Variants in TENM3 observed in about 807,000 individuals in gnomAD.
TENM3 encodes the protein teneurin-3.
TENM3 carries 63 observed loss-of-function variants against 255.1 expected under a neutral mutation model. The observed-to-expected ratio is 0.25, with a 90% CI of 0.20 to 0.30. The LOEUF (loss-of-function observed/expected upper bound fraction) is 0.30, where lower values mean the gene tolerates loss of function less well. TENM3 is among the 10% of genes least tolerant of loss of function. TENM3 has a pLI of 1.00. For synonymous variants in TENM3, 1,306 were observed against 1,322.3 expected, an observed-to-expected ratio of 0.99 and a Z score of 0.27; for missense variants, 2,929 against 3,461.1, an observed-to-expected ratio of 0.85 and a Z score of 3.86.
intron 4 of TENM3, among the ~76,000 whole-genome samples, chr4:182,623,162 C>G (rs1581134929): frequency 6.6e-6 from 1 of 152,002 alleles, no homozygotes; most frequent in African/African-American, 2.4e-5. Flanking sequence ...AGGCGCCCAC[C>G]ACCACGCCCG....
At chr4:182,130,604 T>A in the TENM3 span, among the ~76,000 whole-genome samples, 1 of 151,966 alleles carries the variant, frequency 6.6e-6, no homozygotes, top group Non-Finnish European at 1.5e-5. Context: ...GTAAAAGAAG[T>A]AGTTGTTGAA....
chr4:182,751,810 G>T lies in TENM3; in HGVS notation c.3640G>T (p.Ala1214Ser), dbSNP rs745851962. The change falls in exon 20 of 28, where the codon GCT becomes TCT. Residue 1214 changes from alanine to serine, a missense_variant. Transcript: ENST00000511685. ...TGATCCTTTTCACAGCAGCAACCCA[G>T]CTCATAGATACTACCTTGCAACGGA... Reference protein sequence around the residue: ...TSVLELSSNPAHRYYLATDPV... With the variant: ...TSVLELSSNPSHRYYLATDPV... 1 of 1,613,426 alleles carries T rather than the reference G, an allele frequency of 6.2e-7. No individual in the cohort carries two copies. The highest frequency in any genetic ancestry group is 1.7e-5 in the Admixed American group (1 of 59,982).
chr4:182,654,506 A>G (rs1251665006), intron 6 of TENM3, among the ~76,000 whole-genome samples: 1 of 151,962 alleles, frequency 6.6e-6, no homozygotes, highest in African/African-American at 2.4e-5. Flanking sequence ...CGTTACAAAT[A>G]GTTTTATATT....
chr4:181,965,959 C>T, the TENM3 span, among the ~76,000 whole-genome samples: 1 of 152,136 alleles, frequency 6.6e-6, no homozygotes, highest in African/African-American at 2.4e-5. Flanking sequence ...CACCTTGAAG[C>T]TTTAGTATCT....
chr4:182,351,733 G>T lies in TENM3; in HGVS notation c.511+4804G>T, dbSNP rs190360360. ...GTCTTTGCGAATGTGATGCCCGGAG[G>T]CGGGACTCCTGGTTTTGTATGGGCA... On this transcript the variant is annotated intron_variant, in intron 3 of 27. Coordinates refer to ENST00000511685, the MANE Select transcript of TENM3 (RefSeq NM_001080477.4). Among the ~76,000 whole-genome samples, 192 of 152,226 alleles carry T rather than the reference G, an allele frequency of 1.3e-3. 1 individual carries two copies. The East Asian group carries it at 0.025, about 20-fold the overall frequency.
At chr4:182,726,851 T>C (rs1468383743) in intron 13 of TENM3, among the ~76,000 whole-genome samples, 1 of 152,224 alleles carries the variant, frequency 6.6e-6, no homozygotes. Flanking sequence ...TGTTTTCTTT[T>C]ATCTCAGTTT....
the TENM3 span, among the ~76,000 whole-genome samples, chr4:181,894,135 T>C: frequency 5.3e-5 from 8 of 152,150 alleles, no homozygotes; most frequent in African/African-American, 1.9e-4. Context: ...TGTTTTTGGA[T>C]AAGGAGCTGG....
intron 3 of TENM3, among the ~76,000 whole-genome samples, chr4:182,512,392 A>G (rs1449490810): frequency 6.6e-6 from 1 of 152,176 alleles, no homozygotes; most frequent in African/African-American, 2.4e-5. Context: ...TGTCCCATTG[A>G]ACACCAGCAT....
At chr4:182,420,898 T>G (rs924672718) in intron 3 of TENM3, among the ~76,000 whole-genome samples, 2 of 152,194 alleles carry the variant, frequency 1.3e-5, no homozygotes, top group Admixed American at 6.5e-5. Context: ...TCCTTATCAT[T>G]AATTATTCCA....
chr4:182,571,160 G>A (rs1437483017), intron 3 of TENM3, among the ~76,000 whole-genome samples: 1 of 152,202 alleles, frequency 6.6e-6, no homozygotes, highest in Non-Finnish European at 1.5e-5. Context: ...GACGTGTAAA[G>A]GCCCAGGCTA....
intron 1 of TENM3, among the ~76,000 whole-genome samples, chr4:182,281,391 T>C (rs1413463890): frequency 6.6e-6 from 1 of 152,198 alleles, no homozygotes; most frequent in African/African-American, 2.4e-5. Flanking sequence ...TTTTGGGCAT[T>C]ATAAACCCTC....
chr4:182,632,577 C>A (rs1472850966), intron 5 of TENM3, among the ~76,000 whole-genome samples: 1 of 152,114 alleles, frequency 6.6e-6, no homozygotes, highest in African/African-American at 2.4e-5. Context: ...ATAGCCTCCA[C>A]TTTTCTATTG....
the TENM3 span, among the ~76,000 whole-genome samples, chr4:182,066,739 T>C: frequency 2.0e-5 from 3 of 151,532 alleles, no homozygotes; most frequent in East Asian, 3.9e-4. Flanking sequence ...TGAAACCCCG[T>C]CTCCACTAAA....
At chr4:182,682,155 A>G (rs1756228534) in intron 11 of TENM3, 141 bp downstream of exon 11, 17 of 728,254 alleles carry the variant, frequency 2.3e-5, no homozygotes, top group Non-Finnish European at 3.5e-5. Flanking sequence ...ATTAAAAGTA[A>G]TGATATGTAG....
chr4:181,913,494 T>C, the TENM3 span, among the ~76,000 whole-genome samples: 1 of 152,164 alleles, frequency 6.6e-6, no homozygotes, highest in East Asian at 1.9e-4. Flanking sequence ...TACTGCTGTG[T>C]CTTTTCCCTG....
intron 1 of TENM3, among the ~76,000 whole-genome samples, chr4:182,305,484 A>G (rs1053591636): frequency 6.6e-6 from 1 of 152,212 alleles, no homozygotes; most frequent in African/African-American, 2.4e-5. Context: ...AGTCAGACTA[A>G]AAATGTTATT....
chr4:182,728,633 A>G (rs1310243297), intron 13 of TENM3, among the ~76,000 whole-genome samples: 1 of 152,198 alleles, frequency 6.6e-6, no homozygotes, highest in Non-Finnish European at 1.5e-5. Context: ...CTCCTAGGCT[A>G]CCCATCTGTA....
At chr4:182,107,726 T>C in the TENM3 span, among the ~76,000 whole-genome samples, 20 of 152,292 alleles carry the variant, frequency 1.3e-4, no homozygotes, top group Non-Finnish European at 2.5e-4. Flanking sequence ...CTGAGTGAGT[T>C]GAAGAAAATC....
Position 182,800,135 on chromosome 4 carries a change from G to C in TENM3, c.7884G>C (p.Ala2628=). ...TCCTGGAGCAGGCGCGGCAGCGCGC[G>C]CTCGCCCGGGCCTGGGCGCGCGAGC... ...ARILEQARQR[A]LARAWAREQQ... is the part of the protein sequence containing the mutation. The change falls in exon 28 of 28, where the codon GCG becomes GCC. Residue 2628 remains alanine (A), a synonymous_variant. Transcript: ENST00000511685. The C allele has an allele frequency of 6.9e-7, 1 of 1,457,738 alleles. No homozygotes were observed. The highest frequency in any genetic ancestry group is 9.0e-7 in the Non-Finnish European group (1 of 1,114,274). The allele number at this position is 1,457,738 out of a possible 1,614,324, so 90.3% of individuals were successfully genotyped here.
Sources: gnomAD v4.1 joint callset for allele counts (sites outside exome capture counted in the v4.1 genomes callset) on GRCh38, gnomAD v4.1.1 for gene constraint, MANE v1.5 for transcripts, NCBI Gene and HGNC (gene_info 2026-07-23, HGNC 2026-07-21) for gene names.